CBFA2T2: variants seen among roughly 807,000 people sequenced by gnomAD.
CBFA2T2 encodes CBFA2/RUNX1 partner transcriptional co-repressor 2, also known as protein CBFA2T2.
In CBFA2T2, 11 loss-of-function variants were observed where a neutral mutation model predicts 62.2. The ratio of observed to expected loss-of-function variants is 0.18; its 90% CI spans 0.11 to 0.29. CBFA2T2 has a LOEUF of 0.29. Ranked by LOEUF, CBFA2T2 falls within the 10% of genes least tolerant of loss-of-function variation. The pLI is 1.00. For synonymous variants in CBFA2T2, 295 were observed against 287.5 expected (o/e 1.03, Z -0.27); for missense variants, 592 against 774.1 (o/e 0.76, Z 2.79).
intron 1 of CBFA2T2, among the ~76,000 whole-genome samples, chr20:33,518,373 G>A (rs1365785999): frequency 6.6e-6 from 1 of 152,014 alleles, no homozygotes; most frequent in Admixed American, 6.6e-5. Flanking sequence ...ATTGTCAAAG[G>A]CCTGCTCTGA....
At chr20:33,504,718 T>C (rs2011371788) in intron 1 of CBFA2T2, among the ~76,000 whole-genome samples, 1 of 152,176 alleles carries the variant, frequency 6.6e-6, no homozygotes, top group South Asian at 2.1e-4. Context: ...TTAACTTTTT[T>C]GGAAACTGCC....
chr20:33,621,272 CT>C (rs2015955103), intron 4 of CBFA2T2, among the ~76,000 whole-genome samples: 1 of 121,490 alleles, frequency 8.2e-6, no homozygotes, highest in Non-Finnish European at 1.8e-5. Flanking sequence ...TCTATAATAC[CT>C]TTAATTTTAC....
rs185973995 is a variant in CBFA2T2 at position 33,573,469 on chromosome 20, T to C, written c.35-33487T>C. ...TTGTTTCTCAGTTTTTGAGTACTAC[T>C]TCTTCTTCTTCTTCTTTTTTTTTTT... On this transcript the variant is annotated intron_variant, in intron 1 of 10. Coordinates refer to ENST00000342704, the MANE Select transcript of CBFA2T2 (RefSeq NM_001032999.3). Among the ~76,000 whole-genome samples the C allele has an allele frequency of 7.9e-5, 12 of 151,924 alleles. No homozygotes were observed. In the East Asian group the frequency reaches 2.1e-3, roughly 27 times the overall value.
intron 1 of CBFA2T2, among the ~76,000 whole-genome samples, chr20:33,494,128 G>A (rs1469388849): frequency 6.0e-5 from 9 of 150,576 alleles, no homozygotes; most frequent in Non-Finnish European, 1.3e-4. Context: ...TGATCCACCC[G>A]CCTTGGCATC....
intron 1 of CBFA2T2, among the ~76,000 whole-genome samples, chr20:33,535,738 A>G (rs1224912049): frequency 6.7e-6 from 1 of 149,542 alleles, no homozygotes; most frequent in African/African-American, 2.5e-5. Context: ...GCAGGGTCAT[A>G]GGACAATAGT....
At chr20:33,630,820 G>C (rs1779418042) in intron 8 of CBFA2T2, among the ~76,000 whole-genome samples, 1 of 152,154 alleles carries the variant, frequency 6.6e-6, no homozygotes, top group Non-Finnish European at 1.5e-5. Flanking sequence ...GTCTCTAAAA[G>C]ACTGTAAGGA....
intron 1 of CBFA2T2, among the ~76,000 whole-genome samples, chr20:33,526,166 C>G (rs994045045): frequency 6.6e-6 from 1 of 152,092 alleles, no homozygotes; most frequent in Non-Finnish European, 1.5e-5. Flanking sequence ...GGATTACAGG[C>G]GTGAGCCACC....
intron 4 of CBFA2T2, among the ~76,000 whole-genome samples, chr20:33,621,808 G>T (rs1450669020): frequency 1.3e-5 from 2 of 152,292 alleles, no homozygotes; most frequent in Non-Finnish European, 2.9e-5. Flanking sequence ...TCGGTCTAAG[G>T]TGCACAGCCT....
At chr20:33,495,848 T>C (rs2011194218) in intron 1 of CBFA2T2, among the ~76,000 whole-genome samples, 1 of 152,202 alleles carries the variant, frequency 6.6e-6, no homozygotes, top group African/African-American at 2.4e-5. Flanking sequence ...ATTTTCCTCA[T>C]CTGAAAAATG....
rs534820765 is a variant in CBFA2T2, at chr20:33,574,096, G to A, written c.35-32860G>A. ...GAGCCACCATACCAGTTCCTGTCTA[G>A]ATATTATGATGAAGATTGAGGATGG... is the stretch of plus-strand genomic sequence containing the variant. On this transcript the variant is annotated intron_variant, in intron 1 of 10. Transcript: ENST00000342704. 186 of 1,546,666 alleles carry A rather than the reference G, an allele frequency of 1.2e-4. No homozygotes were observed. The African/African-American group carries it at 1.7e-3, about 14-fold the overall frequency.
chr20:33,579,075 C>T (rs1427909555), intron 1 of CBFA2T2, among the ~76,000 whole-genome samples: 1 of 150,386 alleles, frequency 6.6e-6, no homozygotes, highest in Non-Finnish European at 1.5e-5. Flanking sequence ...AGTGTTCAAC[C>T]CAATGAGTGC....
At chr20:33,636,258 CAAAAAA>C (rs34178424) in intron 8 of CBFA2T2, among the ~76,000 whole-genome samples, 1 of 75,110 alleles carries the variant, frequency 1.3e-5, no homozygotes, top group Non-Finnish European at 2.8e-5. Flanking sequence ...GACTCCGTCT[CAAAAAA>C]AAAAAAAAAA....
At chr20:33,519,277 C>T (rs1392523056) in intron 1 of CBFA2T2, among the ~76,000 whole-genome samples, 4 of 152,054 alleles carry the variant, frequency 2.6e-5, no homozygotes, top group African/African-American at 7.2e-5. Flanking sequence ...CGAGACCAGC[C>T]TGGCCGACAA....
chr20:33,533,688 T>A (rs990777696), intron 1 of CBFA2T2, among the ~76,000 whole-genome samples: 2 of 151,614 alleles, frequency 1.3e-5, no homozygotes, highest in Non-Finnish European at 2.9e-5. Flanking sequence ...AAAGCACAGA[T>A]GGGAACCGGG....
intron 1 of CBFA2T2, among the ~76,000 whole-genome samples, chr20:33,500,013 C>T (rs1600899860): frequency 6.6e-6 from 1 of 152,128 alleles, no homozygotes; most frequent in Admixed American, 6.6e-5. Context: ...AGGCTGAGTG[C>T]AGTGGTGTGA....
intron 1 of CBFA2T2, among the ~76,000 whole-genome samples, chr20:33,586,352 G>A (rs1183920110): frequency 6.6e-6 from 1 of 151,994 alleles, no homozygotes; most frequent in African/African-American, 2.4e-5. Context: ...GTTCAGGCTG[G>A]TCTTAACTCC....
chr20:33,644,325 A>G, intron 10 of CBFA2T2, 22 bp from the exon 11 acceptor site: 1 of 1,596,960 alleles, frequency 6.3e-7, no homozygotes, highest in Non-Finnish European at 8.6e-7. Context: ...AGCAACCACT[A>G]ACTGATGCCT....
chr20:33,602,902 C>T (rs1001792513), intron 1 of CBFA2T2, among the ~76,000 whole-genome samples: 2 of 152,156 alleles, frequency 1.3e-5, no homozygotes, highest in African/African-American at 4.8e-5. Flanking sequence ...CACTGCAAAA[C>T]CATGACAGTT....
chr20:33,558,079 G>A (rs1412004091), intron 1 of CBFA2T2, among the ~76,000 whole-genome samples: 6 of 150,766 alleles, frequency 4.0e-5, no homozygotes, highest in East Asian at 3.9e-4. Flanking sequence ...CACTCGTCTC[G>A]GCCTTCCAAA....
Sources: allele counts gnomAD v4.1 joint callset (sites outside exome capture counted in the v4.1 genomes callset), GRCh38; gene constraint gnomAD v4.1.1; transcripts MANE v1.5; gene names NCBI Gene and HGNC (gene_info 2026-07-23, HGNC 2026-07-21).